OXR1: variants seen among roughly 807,000 people sequenced by gnomAD.
OXR1 encodes oxidation resistance 1.
OXR1 carries 41 observed loss-of-function variants against 104.6 expected under a neutral mutation model. The observed-to-expected ratio is 0.39, with a 90% CI of 0.31 to 0.51. The LOEUF is 0.51. Among genes scored for constraint, OXR1 ranks in the 20% least tolerant of loss-of-function variants. The pLI is 0.77. For synonymous variants in OXR1, 348 were observed against 348.4 expected, an observed-to-expected ratio of 1.00 and a Z score of 0.01; for missense variants, 955 against 1,031.9, an observed-to-expected ratio of 0.93 and a Z score of 1.02.
chr8:106,582,716 T>C (rs1818342582), intron 3 of OXR1, among the ~76,000 whole-genome samples: 1 of 152,170 alleles, frequency 6.6e-6, no homozygotes, highest in South Asian at 2.1e-4. Context: ...TTTTTCCTCT[T>C]TTTAGAAAAT....
intron 2 of OXR1, among the ~76,000 whole-genome samples, chr8:106,439,745 G>A (rs1172258997): frequency 6.6e-6 from 1 of 151,956 alleles, no homozygotes; most frequent in Non-Finnish European, 1.5e-5. Flanking sequence ...TCTTACTACT[G>A]AATCCTTAAT....
chr8:106,684,399 C>G (rs1477673197), intron 6 of OXR1, 40 bp downstream of exon 6: 2 of 938,074 alleles, frequency 2.1e-6, no homozygotes, highest in Admixed American at 1.7e-5. Context: ...ATGAAGAAAT[C>G]TCACTTTGTC....
intron 3 of OXR1, among the ~76,000 whole-genome samples, chr8:106,595,550 CA>C (rs67790797): frequency 0.049 from 2,986 of 60,750 alleles, 42 homozygotes; most frequent in African/African-American, 0.14. Context: ...AACTCCGTCT[CA>C]AAAAAAAAAA....
At chr8:106,368,507 G>A (rs1450010994) in intron 2 of OXR1, among the ~76,000 whole-genome samples, 1 of 151,974 alleles carries the variant, frequency 6.6e-6, no homozygotes, top group Non-Finnish European at 1.5e-5. Context: ...GTGCCATGGT[G>A]GTTTGCTGCA....
At chr8:106,288,569 G>A (rs7824062) in intron 1 of OXR1, among the ~76,000 whole-genome samples, 76,392 of 143,614 alleles carry the variant, frequency 0.53, 20,863 homozygotes, top group African/African-American at 0.71. Flanking sequence ...GTATATATAT[G>A]GTGTGTATAT....
intron 6 of OXR1, among the ~76,000 whole-genome samples, chr8:106,687,713 C>CAA (rs59561453): frequency 3.9e-4 from 50 of 126,970 alleles, no homozygotes; most frequent in Admixed American, 6.1e-4. Flanking sequence ...GACTCTGTCT[C>CAA]AAAAAAAAAA....
intron 2 of OXR1, among the ~76,000 whole-genome samples, chr8:106,496,801 C>A: frequency 6.6e-6 from 1 of 152,178 alleles, no homozygotes; most frequent in Non-Finnish European, 1.5e-5. Flanking sequence ...CTTATGATTC[C>A]CTTGCTTGCA....
intron 2 of OXR1, among the ~76,000 whole-genome samples, chr8:106,381,891 C>T (rs2130412691): frequency 6.6e-6 from 1 of 152,240 alleles, no homozygotes; most frequent in Non-Finnish European, 1.5e-5. Context: ...TACTACAATT[C>T]CAGGTGGCAT....
Position 106,425,787 on chromosome 8 carries a change from G to A in OXR1, c.23+66151G>A, listed in dbSNP as rs891799841. Among the ~76,000 whole-genome samples, 4 of 152,190 alleles carry A rather than the reference G, an allele frequency of 2.6e-5. No homozygotes were observed. In the East Asian group the frequency reaches 7.7e-4, roughly 29 times the overall value. On this transcript the variant is annotated intron_variant, in intron 2 of 16. Transcript: ENST00000517566. ...GGTATCATCACTGCACCTAATGCAGGAGGTGGAGTTGACGCAGGTCTTTTT... is the reference window on the plus strand; with the variant it reads ...GGTATCATCACTGCACCTAATGCAGAAGGTGGAGTTGACGCAGGTCTTTTT...
chr8:106,306,842 T>C (rs912306218), intron 1 of OXR1, among the ~76,000 whole-genome samples: 1 of 152,192 alleles, frequency 6.6e-6, no homozygotes, highest in Non-Finnish European at 1.5e-5. Flanking sequence ...AACTCTACAC[T>C]TGGTAACTGT....
chr8:106,670,668 G>T (rs951742140), intron 3 of OXR1, among the ~76,000 whole-genome samples: 2 of 152,126 alleles, frequency 1.3e-5, no homozygotes, highest in Non-Finnish European at 2.9e-5. Flanking sequence ...GCAGAGGAAA[G>T]AATTCCCTAA....
At chr8:106,309,390 T>C (rs1813602049) in intron 1 of OXR1, among the ~76,000 whole-genome samples, 1 of 152,194 alleles carries the variant, frequency 6.6e-6, no homozygotes. Context: ...TAATTATATA[T>C]GTTTGTGTGT....
chr8:106,425,788 A>G (rs1819093937), intron 2 of OXR1, among the ~76,000 whole-genome samples: 1 of 152,200 alleles, frequency 6.6e-6, no homozygotes, highest in Non-Finnish European at 1.5e-5. Context: ...CTAATGCAGG[A>G]GGTGGAGTTG....
At chr8:106,340,244 C>T (rs1236189247) in intron 1 of OXR1, among the ~76,000 whole-genome samples, 1 of 151,180 alleles carries the variant, frequency 6.6e-6, no homozygotes, top group Non-Finnish European at 1.5e-5. Context: ...AACCTTCTGA[C>T]TTGAATGGAT....
At chr8:106,491,197 C>T (rs1309600248) in intron 2 of OXR1, among the ~76,000 whole-genome samples, 1 of 152,220 alleles carries the variant, frequency 6.6e-6, no homozygotes, top group African/African-American at 2.4e-5. Context: ...CTCTGCCAAT[C>T]TTACTTAGAT....
At chr8:106,449,211 T>A (rs1311304476) in intron 2 of OXR1, among the ~76,000 whole-genome samples, 1 of 152,180 alleles carries the variant, frequency 6.6e-6, no homozygotes, top group African/African-American at 2.4e-5. Context: ...ATGTTACCCC[T>A]CTGATCACTT....
chr8:106,627,333 A>G (rs1586923142), intron 3 of OXR1, among the ~76,000 whole-genome samples: 1 of 152,092 alleles, frequency 6.6e-6, no homozygotes, highest in Non-Finnish European at 1.5e-5. Flanking sequence ...GCATTTTAAT[A>G]TGGAGACTCT....
chr8:106,742,557 G>A (rs1835011431), intron 15 of OXR1: 4 of 330,120 alleles, frequency 1.2e-5, no homozygotes, highest in Admixed American at 4.9e-5. Context: ...ATACTACAAG[G>A]CTACAGTAAC....
intron 3 of OXR1, among the ~76,000 whole-genome samples, chr8:106,613,519 C>T (rs1820967141): frequency 6.6e-6 from 1 of 152,232 alleles, no homozygotes; most frequent in Non-Finnish European, 1.5e-5. Flanking sequence ...CTACCTCATT[C>T]TCCCAAGTAG....
Sources: gnomAD v4.1 joint callset for allele counts (sites outside exome capture counted in the v4.1 genomes callset) on GRCh38, gnomAD v4.1.1 for gene constraint, MANE v1.5 for transcripts, NCBI Gene and HGNC (gene_info 2026-07-23, HGNC 2026-07-21) for gene names.